The following CYB5B variants were observed in gnomAD, a reference collection of about 807,000 sequenced individuals.
The protein encoded by CYB5B is cytochrome b5 type B.
CYB5B carries 14 observed loss-of-function variants against 21.3 expected under a neutral mutation model. The observed-to-expected ratio is 0.66, with a 90% CI of 0.43 to 1.03. CYB5B has a LOEUF of 1.03. Ranked by LOEUF, CYB5B falls within the 50% of genes least tolerant of loss-of-function variation. The pLI is 0.00. For synonymous variants in CYB5B, 69 were observed against 68.4 expected, an observed-to-expected ratio of 1.01 and a Z score of -0.04; for missense variants, 166 against 185.1, an observed-to-expected ratio of 0.90 and a Z score of 0.60.
At chr16:69,442,709 A>G (rs1289177458) in intron 1 of CYB5B, among the ~76,000 whole-genome samples, 1 of 151,988 alleles carries the variant, frequency 6.6e-6, no homozygotes, top group East Asian at 1.9e-4. Context: ...TTTGTGGAGA[A>G]CAAGGTCTTG....
At chr16:69,424,996 A>T (rs2014628239) in intron 1 of CYB5B, 139 bp downstream of exon 1, 1 of 895,980 alleles carries the variant, frequency 1.1e-6, no homozygotes. Flanking sequence ...CTCAGAGGGA[A>T]ACTGGGGTGG....
At position 69,466,141 on chromosome 16, in the gene CYB5B, A is replaced by G. The variant is rs575738737; in HGVS notation, c.*3621A>G. 1 of 152,608 alleles carries G rather than the reference A, an allele frequency of 6.6e-6. No homozygotes were observed. Among genetic ancestry groups the G allele is most frequent in the Non-Finnish European group, 1.5e-5 (1 of 68,042 alleles). The allele number at this position is 152,608 out of a possible 1,614,324, so 9.5% of individuals were successfully genotyped here. On this transcript the variant is annotated 3_prime_UTR_variant, in exon 5 of 5. Coordinates refer to ENST00000307892, the MANE Select transcript of CYB5B (RefSeq NM_030579.3). ...CGGTAACATTCCTTTTGTGTATTCA[A>G]TAATGCAGTTAGTTTACCTTTTTCA... is the stretch of plus-strand genomic sequence containing the variant.
intron 3 of CYB5B, chr16:69,448,363 C>CTT (rs5817668): frequency 1.6e-4 from 73 of 462,684 alleles, no homozygotes; most frequent in Non-Finnish European, 2.2e-4. Flanking sequence ...CCTTTATACG[C>CTT]TTTTTTTTTT....
Position 69,424,868 on chromosome 16 carries a change from G to T in CYB5B, c.174+11G>T, listed in dbSNP as rs371509667. 12 of 1,561,484 alleles carry T rather than the reference G, an allele frequency of 7.7e-6. No homozygotes were observed. The African/African-American group carries it at 1.6e-4, about 21-fold the overall frequency. ...CGCTTCCTCAACGAGGTGGGGCCTG[G>T]GAGGTGGGAGGCCTCTGAAGCTGCT... is the stretch of plus-strand genomic sequence containing the variant. On this transcript the variant is annotated intron_variant, in intron 1 of 4. Coordinates refer to ENST00000307892, the MANE Select transcript of CYB5B (RefSeq NM_030579.3).
chr16:69,428,777 A>T (rs529703859), intron 1 of CYB5B, among the ~76,000 whole-genome samples: 1 of 152,308 alleles, frequency 6.6e-6, no homozygotes, highest in East Asian at 1.9e-4. Context: ...TGACTAAGTA[A>T]AGGCCAGGAG....
chr16:69,444,924 A>G (rs1381950427), intron 1 of CYB5B, among the ~76,000 whole-genome samples: 1 of 152,224 alleles, frequency 6.6e-6, no homozygotes, highest in Non-Finnish European at 1.5e-5. Flanking sequence ...CAGCGAATAT[A>G]TAACTTTTAC....
Position 69,462,529 on chromosome 16 carries a change from T to G in CYB5B, c.*9T>G, listed in dbSNP as rs761436691. On this transcript the variant is annotated 3_prime_UTR_variant, in exon 5 of 5. Transcript: ENST00000307892. ...AAAGCAAATCCTCCTGAGGAGGCCT[T>G]GCTGAAGTTAGAAAGTGCATCCACT... 6.2e-7 allele frequency: 1 copy of G among 1,612,312 alleles called. No homozygotes were observed. The highest frequency in any genetic ancestry group is 2.2e-5 in the East Asian group (1 of 44,856).
At chr16:69,460,005 C>T (rs1002898302) in intron 4 of CYB5B, among the ~76,000 whole-genome samples, 1 of 152,094 alleles carries the variant, frequency 6.6e-6, no homozygotes, top group African/African-American at 2.4e-5. Flanking sequence ...AATCCCAGCA[C>T]TTTGGGAGGC....
At chr16:69,455,477 G>A (rs541002421) in intron 3 of CYB5B, among the ~76,000 whole-genome samples, 1 of 146,898 alleles carries the variant, frequency 6.8e-6, no homozygotes, top group Non-Finnish European at 1.5e-5. Context: ...GTGTGATCTC[G>A]GCTCACTGCA....
intron 2 of CYB5B, among the ~76,000 whole-genome samples, chr16:69,447,630 G>A (rs143741872): frequency 2.6e-4 from 33 of 126,490 alleles, no homozygotes; most frequent in African/African-American, 8.9e-4. Flanking sequence ...GTGAAAGAGC[G>A]AGACTCTGTC....
chr16:69,433,006 C>G (rs760740272), intron 1 of CYB5B, among the ~76,000 whole-genome samples: 1 of 152,086 alleles, frequency 6.6e-6, no homozygotes, highest in Non-Finnish European at 1.5e-5. Context: ...CCGTGTTGGC[C>G]GGGCTGGTCT....
intron 3 of CYB5B, chr16:69,449,758 A>G (rs1441387113): frequency 6.6e-6 from 1 of 152,220 alleles, no homozygotes; most frequent in Non-Finnish European, 1.5e-5. Context: ...GGAATTTGCA[A>G]TTTAAGTAAT....
chr16:69,444,419 A>G (rs1443822703), intron 1 of CYB5B: 1 of 152,174 alleles, frequency 6.6e-6, no homozygotes, highest in African/African-American at 2.4e-5. Context: ...GGACCCTGCT[A>G]TAGCCTCGGG....
Position 69,462,777 on chromosome 16 carries a change from G to T in CYB5B, c.*257G>T. On this transcript the variant is annotated 3_prime_UTR_variant, in exon 5 of 5. Coordinates refer to ENST00000307892, the MANE Select transcript of CYB5B (RefSeq NM_030579.3). ...TTCCTCTCTTCACTGGTTTCCATGA[G>T]TACCCTTATATTTCACAACTTTCTG... is the stretch of plus-strand genomic sequence containing the variant. 1 of 427,270 alleles carries T rather than the reference G, an allele frequency of 2.3e-6. No individual in the cohort carries two copies. Among genetic ancestry groups the T allele is most frequent in the Non-Finnish European group, 4.3e-6 (1 of 231,490 alleles). 26.5% of individuals were successfully genotyped at this position (427,270 alleles called of 1,614,324 possible).
chr16:69,450,231 A>AC (rs2014919076), intron 3 of CYB5B: 1 of 147,296 alleles, frequency 6.8e-6, no homozygotes, highest in Non-Finnish European at 1.5e-5. Context: ...AAAAAAAAAA[A>AC]AAAAAAAAAC....
intron 1 of CYB5B, among the ~76,000 whole-genome samples, chr16:69,438,775 A>C (rs772256078): frequency 7.2e-5 from 11 of 152,360 alleles, no homozygotes; most frequent in African/African-American, 2.4e-5. Flanking sequence ...AGAAGGAGAG[A>C]GAGCGAGAGA....
At chr16:69,459,154 C>A in intron 4 of CYB5B, 33 bp downstream of exon 4, 1 of 1,592,132 alleles carries the variant, frequency 6.3e-7, no homozygotes. Flanking sequence ...TCCATACGTT[C>A]AAGGTAATGT....
At position 69,443,395 on chromosome 16, in the gene CYB5B, C is replaced by A; in HGVS notation, c.175-3755C>A. On this transcript the variant is annotated intron_variant, in intron 1 of 4. Coordinates refer to ENST00000307892, the MANE Select transcript of CYB5B (RefSeq NM_030579.3). Reference sequence around the variant, plus strand: ...TGGGCATGGCCATGGCTGCTCTGGTCATCTGCTCCTGCCTCATTTCTTATT... The same window carrying A: ...TGGGCATGGCCATGGCTGCTCTGGTAATCTGCTCCTGCCTCATTTCTTATT... 2.8e-5 allele frequency: 5 copies of A among 177,264 alleles called. No individual in the cohort carries two copies. In the South Asian group the frequency reaches 6.7e-4, roughly 24 times the overall value. The allele number at this position is 177,264 out of a possible 1,614,324, so 11.0% of individuals were successfully genotyped here. A position where few individuals can be genotyped will look rare whatever the true frequency, so the allele number is the denominator to read the frequency against.
rs921028916 is a variant in CYB5B at position 69,465,742 on chromosome 16, A to G, written c.*3222A>G. 5 of 152,188 alleles carry G rather than the reference A, an allele frequency of 3.3e-5. No individual in the cohort carries two copies. The highest frequency in any genetic ancestry group is 2.6e-4 in the Admixed American group (4 of 15,282). The allele number at this position is 152,188 out of a possible 1,614,324, so 9.4% of individuals were successfully genotyped here. On this transcript the variant is annotated 3_prime_UTR_variant, in exon 5 of 5. Coordinates refer to ENST00000307892, the MANE Select transcript of CYB5B (RefSeq NM_030579.3). ...TAGGAGATTGAGATGCAGAACGTTA[A>G]TGTTCATTACCTCCTCCTACCCCAA...
Sources: allele counts gnomAD v4.1 joint callset (sites outside exome capture counted in the v4.1 genomes callset), GRCh38; gene constraint gnomAD v4.1.1; transcripts MANE v1.5; gene names NCBI Gene and HGNC (gene_info 2026-07-23, HGNC 2026-07-21).